The following DOCK3 variants were observed in gnomAD, a reference collection of about 807,000 sequenced individuals.
The protein encoded by DOCK3 is dedicator of cytokinesis 3, also known as dedicator of cytokinesis protein 3.
DOCK3 carries 60 observed loss-of-function variants against 265.6 expected under a neutral mutation model. The observed-to-expected ratio is 0.23, with a 90% CI of 0.18 to 0.28. The LOEUF (loss-of-function observed/expected upper bound fraction) is 0.28, where lower values mean the gene tolerates loss of function less well. DOCK3 is among the 10% of genes least tolerant of loss of function. The probability of loss-of-function intolerance (pLI) is 1.00; values close to 1 mark genes in which losing one functional copy is unlikely to be tolerated. For synonymous variants in DOCK3, 881 were observed against 938.0 expected (o/e 0.94, Z 1.11); for missense variants, 1,981 against 2,594.3 (o/e 0.76, Z 5.14).
chr3:51,160,738 A>G (rs369373161), intron 12 of DOCK3, 36 bp downstream of exon 12: 2 of 1,599,582 alleles, frequency 1.3e-6, no homozygotes, highest in Non-Finnish European at 8.5e-7. Flanking sequence ...AATGATTTGT[A>G]GCATAAGACA....
Position 51,089,292 on chromosome 3 carries a change from G to T in DOCK3, c.591+8G>T. On this transcript the variant is annotated splice_region_variant and intron_variant, in intron 8 of 52. Transcript: ENST00000266037. Reference sequence around the variant, plus strand: ...CAGCAAAGCACATCCCAGGTAAGCGGCTTTCCTGGGTCTTCCAGCCTTTCC... The same window carrying T: ...CAGCAAAGCACATCCCAGGTAAGCGTCTTTCCTGGGTCTTCCAGCCTTTCC... The T allele has an allele frequency of 6.2e-7, 1 of 1,607,778 alleles. No homozygotes were observed.
At chr3:51,263,343 T>C (rs1187084871) in intron 23 of DOCK3, among the ~76,000 whole-genome samples, 1 of 152,166 alleles carries the variant, frequency 6.6e-6, no homozygotes, top group Non-Finnish European at 1.5e-5. Context: ...GAAGGAGAAA[T>C]AAAATCTTTT....
rs2084638932 is a variant in DOCK3 at position 51,333,141 on chromosome 3, C to T, written c.3516-17C>T. 1 of 1,613,824 alleles carries T rather than the reference C, an allele frequency of 6.2e-7. No homozygotes were observed. Among genetic ancestry groups the T allele is most frequent in the African/African-American group, 1.3e-5 (1 of 74,914 alleles). ...GCTCATGAATTGTGTTTGCTTTCTC[C>T]ACCCCTCCACCAATAGCCTGCTGGA... On this transcript the variant is annotated splice_polypyrimidine_tract_variant and intron_variant, in intron 34 of 52. Coordinates refer to ENST00000266037, the MANE Select transcript of DOCK3 (RefSeq NM_004947.5).
At chr3:51,227,044 A>G (rs922612) in intron 15 of DOCK3, among the ~76,000 whole-genome samples, 138,838 of 152,236 alleles carry the variant, frequency 0.91, 63,455 homozygotes, top group African/African-American at 0.96. Context: ...TGAGGAGTAC[A>G]TGTGGTTACG....
At chr3:51,023,639 C>T (rs2079691218) in intron 5 of DOCK3, among the ~76,000 whole-genome samples, 1 of 152,194 alleles carries the variant, frequency 6.6e-6, no homozygotes, top group Admixed American at 6.5e-5. Flanking sequence ...TAGTCTCAAA[C>T]TCCTGACCTC....
chr3:51,280,736 A>C (rs77355081), intron 27 of DOCK3, among the ~76,000 whole-genome samples: 1,756 of 152,252 alleles, frequency 0.012, 39 homozygotes, highest in African/African-American at 0.038. Flanking sequence ...TTAAAAAGCC[A>C]AAGCATACTA....
intron 12 of DOCK3, among the ~76,000 whole-genome samples, chr3:51,189,824 A>G (rs1413429459): frequency 1.3e-5 from 2 of 152,120 alleles, no homozygotes; most frequent in African/African-American, 2.4e-5. Context: ...TTAGTTCTTT[A>G]AGAAATCCCC....
intron 12 of DOCK3, among the ~76,000 whole-genome samples, chr3:51,164,769 C>G (rs1006145430): frequency 2.0e-4 from 31 of 152,042 alleles, no homozygotes; most frequent in East Asian, 9.7e-4. Context: ...TTAATTAAAG[C>G]AATATTAGGT....
At position 51,282,687 on chromosome 3, in the gene DOCK3, G is replaced by GA. The variant is rs10585844; in HGVS notation, c.2922+2491dup. Among the ~76,000 whole-genome samples the GA allele has an allele frequency of 2.0e-5, 3 of 147,028 alleles. No individual in the cohort carries two copies. The East Asian group carries it at 6.0e-4, about 29-fold the overall frequency. On this transcript the variant is annotated intron_variant, in intron 27 of 52. Coordinates refer to ENST00000266037, the MANE Select transcript of DOCK3 (RefSeq NM_004947.5). ...AAAAAAAAGAAAAGAAAAGAAAAAA[G>GA]AAAAAAAACTTCCCACAAAGAAAAG...
chr3:50,897,395 G>A (rs952970225), intron 4 of DOCK3, among the ~76,000 whole-genome samples: 1 of 152,120 alleles, frequency 6.6e-6, no homozygotes, highest in African/African-American at 2.4e-5. Context: ...ACACGATGGG[G>A]TTTTCTAAAT....
At chr3:51,371,006 G>A (rs1031625682) in intron 49 of DOCK3, among the ~76,000 whole-genome samples, 1 of 152,184 alleles carries the variant, frequency 6.6e-6, no homozygotes, top group Admixed American at 6.5e-5. Flanking sequence ...ATTTTCCCCA[G>A]AGAAAGCATT....
chr3:51,309,494 G>A (rs1435706153), intron 27 of DOCK3, among the ~76,000 whole-genome samples: 3 of 152,238 alleles, frequency 2.0e-5, no homozygotes, highest in Non-Finnish European at 4.4e-5. Flanking sequence ...TGAGGCAGGA[G>A]AATCAGGCAG....
intron 1 of DOCK3, among the ~76,000 whole-genome samples, chr3:50,754,157 C>CAAAAA (rs71084110): frequency 4.9e-5 from 3 of 61,552 alleles, no homozygotes; most frequent in African/African-American, 7.6e-5. Context: ...GACTCTGTCT[C>CAAAAA]AAAAAAAAAA....
At chr3:50,893,283 T>C in intron 4 of DOCK3, 1 of 297,996 alleles carries the variant, frequency 3.4e-6, no homozygotes, top group South Asian at 2.9e-5. Context: ...AGGAGTTCTA[T>C]GAATTGCCCT....
chr3:51,276,510 A>G (rs2080827044), intron 25 of DOCK3: 2 of 818,710 alleles, frequency 2.4e-6, no homozygotes, highest in Admixed American at 6.2e-5. Flanking sequence ...TTAGTTGCTT[A>G]TAACTACCCA....
At chr3:50,753,447 A>G (rs1687932366) in intron 1 of DOCK3, among the ~76,000 whole-genome samples, 1 of 152,072 alleles carries the variant, frequency 6.6e-6, no homozygotes, top group Non-Finnish European at 1.5e-5. Flanking sequence ...GGCTCAAGTG[A>G]TTCTCCCACC....
intron 2 of DOCK3, chr3:50,787,362 C>T (rs2042237039): frequency 5.0e-6 from 2 of 397,442 alleles, no homozygotes; most frequent in Middle Eastern, 7.4e-4. Context: ...ATGTAGAAAC[C>T]CCGTCTCTAT....
At chr3:50,701,876 A>C (rs1483111318) in intron 1 of DOCK3, among the ~76,000 whole-genome samples, 1 of 152,094 alleles carries the variant, frequency 6.6e-6, no homozygotes, top group Admixed American at 6.6e-5. Context: ...GTTGGCTGTA[A>C]ATAGGTGGAT....
intron 3 of DOCK3, among the ~76,000 whole-genome samples, chr3:50,855,067 TC>T (rs2046524119): frequency 6.6e-6 from 1 of 152,156 alleles, no homozygotes; most frequent in African/African-American, 2.4e-5. Flanking sequence ...TATGTGATGC[TC>T]CTGGGTTTGT....
Sources: allele counts gnomAD v4.1 joint callset (sites outside exome capture counted in the v4.1 genomes callset), GRCh38; gene constraint gnomAD v4.1.1; transcripts MANE v1.5; gene names NCBI Gene and HGNC (gene_info 2026-07-23, HGNC 2026-07-21).